The following MAN2A1 variants were observed in gnomAD, a reference collection of about 807,000 sequenced individuals.
MAN2A1 encodes the protein alpha-mannosidase 2.
In MAN2A1, 76 loss-of-function variants were observed where a neutral mutation model predicts 142.6. The observed-to-expected ratio is 0.53, with a 90% CI of 0.44 to 0.65. The LOEUF is 0.65. Ranked by LOEUF, MAN2A1 falls within the 30% of genes least tolerant of loss-of-function variation. The pLI is 0.00. For missense variants in MAN2A1, 1,311 were observed against 1,365.1 expected (o/e 0.96, Z 0.62); for synonymous variants, 559 against 473.2 (o/e 1.18, Z -2.35).
At chr5:109,826,002 G>A (rs748818096) in intron 16 of MAN2A1, among the ~76,000 whole-genome samples, 3 of 143,304 alleles carry the variant, frequency 2.1e-5, no homozygotes, top group Non-Finnish European at 4.5e-5. Context: ...TGCCCCACTG[G>A]TTCAAGGATT....
chr5:109,750,970 G>A (rs1032942101), intron 4 of MAN2A1, among the ~76,000 whole-genome samples: 1 of 152,082 alleles, frequency 6.6e-6, no homozygotes, highest in African/African-American at 2.4e-5. Context: ...TCATTTCTAA[G>A]TGTTGGGAAC....
chr5:109,723,896 T>C (rs999684156), intron 3 of MAN2A1, among the ~76,000 whole-genome samples: 4 of 152,224 alleles, frequency 2.6e-5, no homozygotes, highest in African/African-American at 7.2e-5. Context: ...TTACCATTTC[T>C]TTATTTCCAT....
intron 10 of MAN2A1, 38 bp downstream of exon 10, chr5:109,784,964 A>T: frequency 7.0e-7 from 1 of 1,428,278 alleles, no homozygotes; most frequent in Non-Finnish European, 9.5e-7. Flanking sequence ...TAAAAAAATC[A>T]TTAAAATTAT....
intron 4 of MAN2A1, among the ~76,000 whole-genome samples, chr5:109,745,621 AAATT>A (rs1216503541): frequency 1.3e-5 from 2 of 152,118 alleles, no homozygotes; most frequent in Non-Finnish European, 2.9e-5. Flanking sequence ...CTATTAAATT[AAATT>A]AATTAATTAA....
intron 4 of MAN2A1, among the ~76,000 whole-genome samples, chr5:109,732,519 C>T (rs1271341206): frequency 6.6e-6 from 1 of 151,884 alleles, no homozygotes; most frequent in East Asian, 1.9e-4. Flanking sequence ...GTCTTTAATC[C>T]ATCTTGAATT....
In MAN2A1 at chr5:109,742,145, T is replaced by C. The variant is rs368050056; in HGVS notation, c.707+12632T>C. Among the ~76,000 whole-genome samples, 495 of 152,346 alleles carry C rather than the reference T, an allele frequency of 3.2e-3. 6 individuals carry two copies. The South Asian group carries it at 0.036, about 11-fold the overall frequency. On this transcript the variant is annotated intron_variant, in intron 4 of 21. Coordinates refer to ENST00000261483, the MANE Select transcript of MAN2A1 (RefSeq NM_002372.4). ...ACACAGCATGTTACATATTCATTGT[T>C]CCTCTCTGGGCTCTGAGATATTGGA...
At chr5:109,736,469 A>G (rs1752100896) in intron 4 of MAN2A1, among the ~76,000 whole-genome samples, 2 of 152,110 alleles carry the variant, frequency 1.3e-5, no homozygotes, top group East Asian at 1.9e-4. Context: ...GTGAGCTGTG[A>G]TCATGCCCCT....
At chr5:109,731,306 A>T (rs1323092878) in intron 4 of MAN2A1, among the ~76,000 whole-genome samples, 1 of 151,606 alleles carries the variant, frequency 6.6e-6, no homozygotes, top group Non-Finnish European at 1.5e-5. Context: ...ATTTTAATTA[A>T]CTCATTCTGT....
At position 109,781,480 on chromosome 5, in the gene MAN2A1, C is replaced by T. The variant is rs772640048; in HGVS notation, c.1459C>T (p.Pro487Ser). The change falls in exon 9 of 22, where the codon CCT becomes TCT. Residue 487 changes from proline to serine, a missense_variant. Around this residue, in one of 3 missense-constraint regions of MAN2A1, gnomAD observed 890 missense variants for 920.5 expected, o/e 0.97. Transcript: ENST00000261483. ...GAGAGACAAGGGCCAATCGATGTTC[C>T]CTGTTTTAAGTGGAGATTTTTTCAC... ...TQRDKGQSMF[P>S]VLSGDFFTYA... The T allele has an allele frequency of 3.7e-6, 6 of 1,612,860 alleles. No individual in the cohort carries two copies. In the East Asian group the frequency reaches 6.7e-5, roughly 18 times the overall value.
intron 20 of MAN2A1, among the ~76,000 whole-genome samples, chr5:109,858,408 C>A (rs1400141526): frequency 6.6e-6 from 1 of 152,034 alleles, no homozygotes; most frequent in Non-Finnish European, 1.5e-5. Context: ...GCTGTACTTA[C>A]AAAATGTCCA....
chr5:109,784,377 G>T (rs1753541503), intron 9 of MAN2A1, among the ~76,000 whole-genome samples: 2 of 152,090 alleles, frequency 1.3e-5, no homozygotes, highest in Admixed American at 6.6e-5. Flanking sequence ...TGGTCTATGT[G>T]TGTGTTGCTC....
intron 5 of MAN2A1, among the ~76,000 whole-genome samples, chr5:109,760,657 T>C (rs1436168458): frequency 6.6e-6 from 1 of 152,208 alleles, no homozygotes; most frequent in Non-Finnish European, 1.5e-5. Context: ...CCTCACTTTT[T>C]AATGATCGCT....
chr5:109,855,280 G>A lies in MAN2A1; in HGVS notation c.3117G>A (p.Gln1039=). The change falls in exon 20 of 22, where the codon CAG becomes CAA. Residue 1039 remains glutamine, a synonymous_variant. Coordinates refer to ENST00000261483, the MANE Select transcript of MAN2A1 (RefSeq NM_002372.4). ...LELQGEFSPL[Q]SSLPCDIHLV... Reference sequence around the variant, plus strand: ...TGCAAGGTGAATTCTCTCCATTACAGTCATCTTTGCCTTGTGACATTCATC... The same window carrying A: ...TGCAAGGTGAATTCTCTCCATTACAATCATCTTTGCCTTGTGACATTCATC... The A allele has an allele frequency of 1.2e-6, 2 of 1,603,442 alleles. No individual in the cohort carries two copies. The highest frequency in any genetic ancestry group is 1.7e-6 in the Non-Finnish European group (2 of 1,176,460).
chr5:109,710,509 A>AT (rs71626618), intron 1 of MAN2A1, among the ~76,000 whole-genome samples: 1,680 of 147,134 alleles, frequency 0.011, 31 homozygotes, highest in African/African-American at 0.03. Context: ...AAAATGTGGT[A>AT]TTTTTTTTTT....
chr5:109,788,530 G>A (rs773387569), intron 10 of MAN2A1, among the ~76,000 whole-genome samples: 2 of 151,822 alleles, frequency 1.3e-5, no homozygotes, highest in African/African-American at 2.4e-5. Flanking sequence ...CTTGTGAGCT[G>A]AATTATCTCA....
chr5:109,694,605 T>C (rs930071556), intron 1 of MAN2A1, among the ~76,000 whole-genome samples: 4 of 152,094 alleles, frequency 2.6e-5, no homozygotes, highest in Admixed American at 6.5e-5. Context: ...TGCCTCAGCC[T>C]TCCAAAGTGC....
chr5:109,750,449 A>G (rs1338353239), intron 4 of MAN2A1, among the ~76,000 whole-genome samples: 1 of 152,064 alleles, frequency 6.6e-6, no homozygotes, highest in Non-Finnish European at 1.5e-5. Flanking sequence ...AAATAGGAGT[A>G]CTCACTAACC....
intron 1 of MAN2A1, among the ~76,000 whole-genome samples, chr5:109,709,959 C>A (rs993007648): frequency 6.6e-6 from 1 of 152,286 alleles, no homozygotes; most frequent in Non-Finnish European, 1.5e-5. Flanking sequence ...ATGCAGACTA[C>A]AAGTGCATCC....
intron 4 of MAN2A1, among the ~76,000 whole-genome samples, chr5:109,736,301 C>G (rs926779403): frequency 6.6e-6 from 1 of 152,124 alleles, no homozygotes; most frequent in Non-Finnish European, 1.5e-5. Context: ...TAATAACTGT[C>G]TTGGAAAACC....
Sources: allele counts gnomAD v4.1 joint callset (sites outside exome capture counted in the v4.1 genomes callset), GRCh38; gene constraint gnomAD v4.1.1; regional missense constraint gnomAD v4.1.1; transcripts MANE v1.5; gene names NCBI Gene and HGNC (gene_info 2026-07-23, HGNC 2026-07-21).